Variants in C11orf16 observed in about 807,000 individuals in gnomAD.
The protein encoded by C11orf16 is chromosome 11 open reading frame 16.
A neutral mutation model predicts 45.1 loss-of-function variants in C11orf16; 38 were observed. The observed-to-expected ratio is 0.84, with a 90% CI of 0.65 to 1.10. C11orf16 has a LOEUF of 1.10. Ranked by LOEUF, C11orf16 falls within the 50% of genes least tolerant of loss-of-function variation. The probability of loss-of-function intolerance (pLI) is 0.00; values close to 1 mark genes in which losing one functional copy is unlikely to be tolerated. For missense variants in C11orf16, 583 were observed against 569.5 expected, an observed-to-expected ratio of 1.02 and a Z score of -0.24; for synonymous variants, 221 against 222.0, an observed-to-expected ratio of 1.00 and a Z score of 0.04.
At chr11:8,925,330 A>C (rs562771806) in intron 5 of C11orf16, 133 bp downstream of exon 5, 2 of 831,108 alleles carry the variant, frequency 2.4e-6, no homozygotes, top group Non-Finnish European at 1.9e-6. Flanking sequence ...CTTCAGCATG[A>C]CCAGACTCCC....
intron 5 of C11orf16, among the ~76,000 whole-genome samples, chr11:8,922,579 A>G (rs1172188290): frequency 6.6e-6 from 1 of 152,216 alleles, no homozygotes; most frequent in African/African-American, 2.4e-5. Flanking sequence ...ATCTAATTGG[A>G]ACCTCTCACT....
At chr11:8,931,392 T>C (rs1164624951) in intron 2 of C11orf16, among the ~76,000 whole-genome samples, 1 of 151,890 alleles carries the variant, frequency 6.6e-6, no homozygotes, top group African/African-American at 2.4e-5. Context: ...CCCAGCTAAT[T>C]ATTGTTTTTT....
At chr11:8,932,698 TTCC>T (rs2064657821) in intron 1 of C11orf16, among the ~76,000 whole-genome samples, 200 bp downstream of exon 1, 1 of 152,124 alleles carries the variant, frequency 6.6e-6, no homozygotes, top group Non-Finnish European at 1.5e-5. Flanking sequence ...TTTTTCCTCC[TTCC>T]TCCTCCCCGG....
Position 8,925,457 on chromosome 11 carries a change from G to C in C11orf16, c.1204+6C>G. 6.2e-7 allele frequency: 1 copy of C among 1,609,822 alleles called. No homozygotes were observed. Among genetic ancestry groups the C allele is most frequent in the Non-Finnish European group, 8.5e-7 (1 of 1,177,416 alleles). Reference sequence around the variant, plus strand: ...CTTAGAAAGCAAGCCCACTCCCCTGGTATACCTGGCTTCCCAAGGCATGGC... The same window carrying C: ...CTTAGAAAGCAAGCCCACTCCCCTGCTATACCTGGCTTCCCAAGGCATGGC... On this transcript the variant is annotated splice_donor_region_variant and intron_variant, in intron 5 of 6. Coordinates refer to ENST00000326053, the MANE Select transcript of C11orf16 (RefSeq NM_020643.3).
Position 8,921,470 on chromosome 11 carries a change from T to G in C11orf16, c.1250A>C (p.Gln417Pro). The G allele has an allele frequency of 6.2e-7, 1 of 1,614,230 alleles. No homozygotes were observed. Among genetic ancestry groups the G allele is most frequent in the South Asian group, 1.1e-5 (1 of 91,084 alleles). Residue 417 changes from glutamine to proline, a missense_variant, in exon 6 of 7, where the codon CAG becomes CCG. Transcript: ENST00000326053. ...NICKEEKDHK[Q>P]QRAQTAVVGT... The stretch of plus-strand genomic sequence containing the variant: ...CACTACTGCAGTTTGTGCTCTCTGC[T>G]GTTTGTGATCCTTTTCTTCTTTGCA...
At position 8,920,250 on chromosome 11, in the gene C11orf16, A is replaced by G; in HGVS notation, c.*223T>C. On this transcript the variant is annotated 3_prime_UTR_variant, in exon 7 of 7. Transcript: ENST00000326053. ...CACCAGGGCCCTGGCAGGGAGCCCCAGGGCAGGATCCCACATTCCTATAGC... is the reference window on the plus strand; with the variant it reads ...CACCAGGGCCCTGGCAGGGAGCCCCGGGGCAGGATCCCACATTCCTATAGC... 1 of 412,354 alleles carries G rather than the reference A, an allele frequency of 2.4e-6. No individual in the cohort carries two copies. The highest frequency in any genetic ancestry group is 4.3e-6 in the Non-Finnish European group (1 of 234,484). The allele number at this position is 412,354 out of a possible 1,614,324, so 25.5% of individuals were successfully genotyped here.
chr11:8,930,424 CAAAAAAAAAAAA>C (rs11303185), intron 2 of C11orf16, among the ~76,000 whole-genome samples: 1 of 58,370 alleles, frequency 1.7e-5, no homozygotes, highest in African/African-American at 7.1e-5. Flanking sequence ...GACTCTGTCT[CAAAAAAAAAAAA>C]AAAAAAAAAA....
At position 8,925,806 on chromosome 11, in the gene C11orf16, T is replaced by A; in HGVS notation, c.861A>T (p.Pro287=). 1 of 1,614,108 alleles carries A rather than the reference T, an allele frequency of 6.2e-7. No homozygotes were observed. Among genetic ancestry groups the A allele is most frequent in the Non-Finnish European group, 8.5e-7 (1 of 1,180,012 alleles). The change falls in exon 5 of 7, where the codon CCA becomes CCT. Residue 287 remains proline (P), a synonymous_variant. Transcript: ENST00000326053. Reference sequence around the variant, plus strand: ...TTAGAGGCCACCAAGTCGTGCCACATGGCGGGCAGCCACAGAGGCAGCCCT... The same window carrying A: ...TTAGAGGCCACCAAGTCGTGCCACAAGGCGGGCAGCCACAGAGGCAGCCCT... ...LCQGCLCGCP[P]CGTTWWPLTR... is the part of the protein sequence containing the mutation.
chr11:8,927,939 C>T (rs1250328378), intron 3 of C11orf16, among the ~76,000 whole-genome samples: 2 of 152,032 alleles, frequency 1.3e-5, no homozygotes, highest in African/African-American at 2.4e-5. Context: ...GACGGAGTTT[C>T]GCTCGTCACC....
At chr11:8,931,447 G>A (rs2064649324) in intron 2 of C11orf16, among the ~76,000 whole-genome samples, 1 of 152,044 alleles carries the variant, frequency 6.6e-6, no homozygotes, top group Admixed American at 6.6e-5. Flanking sequence ...GGAGTGCAAT[G>A]GTGCGATCTC....
chr11:8,927,392 G>T, intron 3 of C11orf16: 1 of 583,238 alleles, frequency 1.7e-6, no homozygotes, highest in Non-Finnish European at 3.1e-6. Flanking sequence ...ATCTCTTCCT[G>T]CCTCGGGCAA....
intron 4 of C11orf16, among the ~76,000 whole-genome samples, 186 bp from the exon 5 acceptor site, chr11:8,926,293 C>G (rs1403478234): frequency 6.7e-6 from 1 of 149,600 alleles, no homozygotes; most frequent in African/African-American, 2.5e-5. Context: ...ATCCTCCTGC[C>G]TCAGCCTCCG....
chr11:8,930,784 G>A (rs1284295149), intron 2 of C11orf16, among the ~76,000 whole-genome samples: 4 of 152,306 alleles, frequency 2.6e-5, no homozygotes, highest in South Asian at 2.1e-4. Flanking sequence ...TCAACATGCC[G>A]TCACTGCACC....
At chr11:8,930,883 A>T (rs1311526106) in intron 2 of C11orf16, among the ~76,000 whole-genome samples, 1 of 152,118 alleles carries the variant, frequency 6.6e-6, no homozygotes, top group South Asian at 2.1e-4. Flanking sequence ...GTTGGCATCT[A>T]AAGTCCCATG....
rs753138149 is a variant in C11orf16, at chr11:8,921,396, G to T, written c.1324C>A (p.Arg442=). 1.9e-6 allele frequency: 3 copies of T among 1,614,198 alleles called. No individual in the cohort carries two copies. The East Asian group carries it at 6.7e-5, about 36-fold the overall frequency. The change falls in exon 6 of 7, where the codon CGG becomes AGG. Residue 442 remains arginine, a synonymous_variant. Transcript: ENST00000326053. ...TGTTCAGCTTCCCCTGGCGGGGTCC[G>T]CGGTGGCTTCATGTGGGTTGCTTTC... ...VSKATHMKPP[R]TPPGEAEHRK...
chr11:8,931,003 CAGG>C (rs758397077), intron 2 of C11orf16, among the ~76,000 whole-genome samples: 12 of 152,158 alleles, frequency 7.9e-5, no homozygotes, highest in Non-Finnish European at 1.5e-4. Context: ...GATCAGGCAG[CAGG>C]AATGCGAGTC....
At chr11:8,925,413 G>A (rs1031001950) in intron 5 of C11orf16, 50 bp downstream of exon 5, 1 of 1,542,900 alleles carries the variant, frequency 6.5e-7, no homozygotes, top group Non-Finnish European at 8.7e-7. Context: ...GGGAAGGGAG[G>A]CGGGGCCCCA....
At chr11:8,929,604 C>A in intron 2 of C11orf16, 71 bp from the exon 3 acceptor site, 3 of 1,397,546 alleles carry the variant, frequency 2.1e-6, no homozygotes, top group Non-Finnish European at 2.9e-6. Context: ...ACACGTTTCG[C>A]AGGTACATCT....
rs151058278 is a variant in C11orf16, at chr11:8,930,608, A to C, written c.168-1075T>G. Among the ~76,000 whole-genome samples the C allele has an allele frequency of 5.1e-3, 781 of 152,196 alleles. 4 individuals carry two copies. The highest frequency in any genetic ancestry group is 0.018 in the African/African-American group (735 of 41,522). ...TGGGCAGGGACAACCCAGAGGAGCTAAGGGGCTGTGGGACAGAAAAAGGAG... is the reference window on the plus strand; with the variant it reads ...TGGGCAGGGACAACCCAGAGGAGCTCAGGGGCTGTGGGACAGAAAAAGGAG... On this transcript the variant is annotated intron_variant, in intron 2 of 6. Coordinates refer to ENST00000326053, the MANE Select transcript of C11orf16 (RefSeq NM_020643.3).
Sources: allele counts gnomAD v4.1 joint callset (sites outside exome capture counted in the v4.1 genomes callset), GRCh38; gene constraint gnomAD v4.1.1; transcripts MANE v1.5; gene names NCBI Gene and HGNC (gene_info 2026-07-23, HGNC 2026-07-21).